Variants in ASTN2 observed in about 807,000 individuals in gnomAD.
ASTN2 encodes the protein astrotactin-2.
ASTN2 carries 54 observed loss-of-function variants against 139.8 expected under a neutral mutation model. The ratio of observed to expected loss-of-function variants is 0.39; its 90% CI spans 0.31 to 0.48. The LOEUF is 0.48. Among genes scored for constraint, ASTN2 ranks in the 20% least tolerant of loss-of-function variants. The pLI, the probability that ASTN2 is intolerant of heterozygous loss-of-function variation, is 0.95. For missense variants in ASTN2, 1,565 were observed against 1,725.1 expected, an observed-to-expected ratio of 0.91 and a Z score of 1.64; for synonymous variants, 756 against 719.5, an observed-to-expected ratio of 1.05 and a Z score of -0.81.
At chr9:116,567,498 A>T (rs1381661927) in intron 19 of ASTN2, among the ~76,000 whole-genome samples, 1 of 152,150 alleles carries the variant, frequency 6.6e-6, no homozygotes, top group East Asian at 1.9e-4. Flanking sequence ...CCCTGGGTTC[A>T]GGGGGTGGAT....
At chr9:116,678,889 T>A (rs1176598336) in intron 16 of ASTN2, among the ~76,000 whole-genome samples, 1 of 152,204 alleles carries the variant, frequency 6.6e-6, no homozygotes, top group Non-Finnish European at 1.5e-5. Flanking sequence ...AAAATTTTAT[T>A]TTAAAAAGTA....
chr9:116,706,405 T>C (rs1226688302), intron 16 of ASTN2, among the ~76,000 whole-genome samples: 2 of 152,008 alleles, frequency 1.3e-5, no homozygotes, highest in South Asian at 2.1e-4. Flanking sequence ...TGCTTCCACC[T>C]TTGTGCCTGG....
chr9:116,699,217 A>G lies in ASTN2; in HGVS notation c.2806+26554T>C. The G allele has an allele frequency of 6.2e-7, 1 of 1,614,220 alleles. No individual in the cohort carries two copies. Among genetic ancestry groups the G allele is most frequent in the Non-Finnish European group, 8.5e-7 (1 of 1,180,046 alleles). ...GTAGTAACCGATGTGGAAGGTGGAAAGCTTTGGTGTTTCACAGTTGATCGA... is the reference window on the plus strand; with the variant it reads ...GTAGTAACCGATGTGGAAGGTGGAAGGCTTTGGTGTTTCACAGTTGATCGA... On this transcript the variant is annotated intron_variant, in intron 16 of 22. Coordinates refer to ENST00000313400, the MANE Select transcript of ASTN2 (RefSeq NM_001365068.1). The surrounding 1 kb of genome is among the most constrained non-coding windows in gnomAD (Gnocchi z 4.2).
chr9:116,986,069 G>A (rs140916057), intron 7 of ASTN2, among the ~76,000 whole-genome samples: 1,873 of 152,104 alleles, frequency 0.012, 39 homozygotes, highest in African/African-American at 0.041. Context: ...TTACTGCATC[G>A]CCAGACGTGT....
intron 3 of ASTN2, among the ~76,000 whole-genome samples, chr9:117,147,153 C>T (rs978026519): frequency 6.6e-6 from 1 of 152,068 alleles, no homozygotes; most frequent in Admixed American, 6.5e-5. Context: ...TTAGCTTCTA[C>T]CCTGGAGAAG....
At chr9:117,166,869 G>A (rs1564458091) in intron 3 of ASTN2, among the ~76,000 whole-genome samples, 1 of 152,214 alleles carries the variant, frequency 6.6e-6, no homozygotes, top group Non-Finnish European at 1.5e-5. Context: ...GCAACATGAT[G>A]TTTGACTTCT....
chr9:116,632,328 T>A (rs1390213238), intron 17 of ASTN2, among the ~76,000 whole-genome samples: 1 of 31,856 alleles, frequency 3.1e-5, no homozygotes, highest in Non-Finnish European at 8.2e-5. Context: ...TATGTATCAA[T>A]AATAATAAAA....
intron 6 of ASTN2, among the ~76,000 whole-genome samples, chr9:117,013,138 G>A (rs1227342450): frequency 6.6e-6 from 1 of 152,066 alleles, no homozygotes; most frequent in Non-Finnish European, 1.5e-5. Context: ...TTGAGGTTCA[G>A]TGTGGGCATG....
At chr9:117,191,263 CAATA>C (rs1831341266) in intron 3 of ASTN2, among the ~76,000 whole-genome samples, 1 of 143,928 alleles carries the variant, frequency 6.9e-6, no homozygotes, top group Non-Finnish European at 1.5e-5. Context: ...AAATGTCCAT[CAATA>C]AATACATTAT....
At position 117,214,709 on chromosome 9, in the gene ASTN2, CCAGCAG is replaced by C; in HGVS notation, c.658_663del (p.Leu220_Leu221del). On this transcript the variant is annotated inframe_deletion, in exon 3 of 23. Transcript: ENST00000313400. The stretch of plus-strand genomic sequence containing the variant: ...TGGGCGTACAGCGCCACGGTGAACA[CCAGCAG>C]CAGCAGCAGCAGCGCGATGAGGCCA... 4 of 1,510,118 alleles carry C rather than the reference CCAGCAG, an allele frequency of 2.6e-6. No individual in the cohort carries two copies. Among genetic ancestry groups the C allele is most frequent in the East Asian group, 2.3e-5 (1 of 43,670 alleles). 93.5% of individuals were successfully genotyped at this position (1,510,118 alleles called of 1,614,324 possible).
intron 7 of ASTN2, among the ~76,000 whole-genome samples, chr9:116,994,691 C>T (rs1419081966): frequency 2.0e-5 from 3 of 152,168 alleles, no homozygotes; most frequent in Non-Finnish European, 4.4e-5. Context: ...TAATGGCTAA[C>T]AGCTACTGGA....
rs117855171 is a variant in ASTN2 at position 116,629,727 on chromosome 9, T to A, written c.3073-9284A>T. ...GGATAAGCTTCACTTTTCAAGCCAT[T>A]CTCCTCTGAATGATGAGAGCCCGAC... On this transcript the variant is annotated intron_variant, in intron 17 of 22. Coordinates refer to ENST00000313400, the MANE Select transcript of ASTN2 (RefSeq NM_001365068.1). Among the ~76,000 whole-genome samples, 11 of 152,256 alleles carry A rather than the reference T, an allele frequency of 7.2e-5. No homozygotes were observed. The East Asian group carries it at 2.1e-3, about 29-fold the overall frequency.
At chr9:117,274,105 C>G (rs1018912642) in intron 2 of ASTN2, among the ~76,000 whole-genome samples, 1 of 152,130 alleles carries the variant, frequency 6.6e-6, no homozygotes, top group Non-Finnish European at 1.5e-5. Context: ...AATCCCAGCA[C>G]TTTGGGAGGC....
At chr9:116,501,408 T>G (rs994830482) in intron 19 of ASTN2, among the ~76,000 whole-genome samples, 1 of 152,200 alleles carries the variant, frequency 6.6e-6, no homozygotes, top group African/African-American at 2.4e-5. Flanking sequence ...CTATGGTGAA[T>G]AGTGCCGCAA....
At position 116,568,233 on chromosome 9, in the gene ASTN2, CA is replaced by C. The variant is rs1227133273; in HGVS notation, c.3355+50090del. 2.0e-5 allele frequency among the ~76,000 whole-genome samples: 3 copies of C among 152,302 alleles called. No homozygotes were observed. In the East Asian group the frequency reaches 5.8e-4, roughly 29 times the overall value. On this transcript the variant is annotated intron_variant, in intron 19 of 22. Transcript: ENST00000313400. ...AGAAATGATTCTGAGATCCATTTAG[CA>C]GGTAGAAAACCTTCCTATTGGGACA...
intron 1 of ASTN2, among the ~76,000 whole-genome samples, chr9:117,330,321 A>C (rs1021819724): frequency 7.2e-5 from 11 of 152,220 alleles, no homozygotes; most frequent in African/African-American, 2.7e-4. Context: ...ACACAGTGAA[A>C]GAGAAATTAG....
intron 10 of ASTN2, among the ~76,000 whole-genome samples, chr9:116,872,452 T>A (rs891051379): frequency 3.9e-5 from 6 of 152,182 alleles, no homozygotes; most frequent in African/African-American, 1.2e-4. Flanking sequence ...GGATGAAAGA[T>A]CTGAGACCCC....
chr9:116,479,631 G>C (rs1336683271), intron 20 of ASTN2, among the ~76,000 whole-genome samples: 1 of 152,212 alleles, frequency 6.6e-6, no homozygotes, highest in East Asian at 1.9e-4. Context: ...CCCTAGGGAG[G>C]AGCAGGGGTC....
intron 5 of ASTN2, among the ~76,000 whole-genome samples, chr9:117,091,438 G>A (rs1202682222): frequency 1.3e-5 from 2 of 152,150 alleles, no homozygotes; most frequent in Admixed American, 6.5e-5. Flanking sequence ...ATCAGTAAGT[G>A]TAAAATTATA....
Sources: allele counts gnomAD v4.1 joint callset (sites outside exome capture counted in the v4.1 genomes callset), GRCh38; gene constraint gnomAD v4.1.1; non-coding constraint Gnocchi (gnomAD v3.1); transcripts MANE v1.5; gene names NCBI Gene and HGNC (gene_info 2026-07-23, HGNC 2026-07-21).